The following ANKS1B variants were observed in gnomAD, a reference collection of about 807,000 sequenced individuals.
The protein encoded by ANKS1B is ankyrin repeat and sterile alpha motif domain containing 1B, also known as ankyrin repeat and sterile alpha motif domain-containing protein 1B.
ANKS1B carries 36 observed loss-of-function variants against 148.3 expected under a neutral mutation model. That is an observed-to-expected ratio of 0.24 (90% confidence interval 0.19 to 0.32). The LOEUF (loss-of-function observed/expected upper bound fraction) is 0.32. Among genes scored for constraint, ANKS1B ranks in the 10% least tolerant of loss-of-function variants. The pLI is 1.00. For synonymous variants in ANKS1B, 542 were observed against 560.8 expected, an observed-to-expected ratio of 0.97 and a Z score of 0.47; for missense variants, 1,157 against 1,542.6, an observed-to-expected ratio of 0.75 and a Z score of 4.19.
intron 14 of ANKS1B, among the ~76,000 whole-genome samples, chr12:99,163,445 T>C (rs868208161): frequency 3.5e-4 from 53 of 150,340 alleles, no homozygotes; most frequent in Admixed American, 1.7e-3. Flanking sequence ...CCTGTTTATA[T>C]GTCCTGTGTT....
At chr12:99,026,621 T>A (rs2099948921) in intron 17 of ANKS1B, among the ~76,000 whole-genome samples, 1 of 151,076 alleles carries the variant, frequency 6.6e-6, no homozygotes, top group Non-Finnish European at 1.5e-5. Context: ...CATTAAAAAT[T>A]AAAAAAAAAA....
chr12:99,983,033 G>A (rs1483852527), intron 1 of ANKS1B, among the ~76,000 whole-genome samples: 1 of 152,134 alleles, frequency 6.6e-6, no homozygotes, highest in African/African-American at 2.4e-5. Flanking sequence ...AGGGTAGCAT[G>A]GAACAGTTTT....
At chr12:99,298,797 C>T (rs2081232500) in intron 12 of ANKS1B, among the ~76,000 whole-genome samples, 1 of 152,108 alleles carries the variant, frequency 6.6e-6, no homozygotes, top group African/African-American at 2.4e-5. Flanking sequence ...TATTAAGTTA[C>T]AAAATATTAA....
In ANKS1B at chr12:99,289,428, A is replaced by G. The variant is rs114951180; in HGVS notation, c.1757-42564T>C. 7.5e-3 allele frequency among the ~76,000 whole-genome samples: 1,139 copies of G among 152,214 alleles called. 20 individuals are homozygous for G. Among genetic ancestry groups the G allele is most frequent in the African/African-American group, 0.023 (946 of 41,576 alleles). On this transcript the variant is annotated intron_variant, in intron 12 of 26. Transcript: ENST00000683438. ...ACTATAGAACAAATGGACATCATAG[A>G]TATGTACAAAACATTTCATCCAATG...
At chr12:99,878,279 T>TA (rs2092258777) in intron 1 of ANKS1B, among the ~76,000 whole-genome samples, 1 of 152,178 alleles carries the variant, frequency 6.6e-6, no homozygotes, top group Non-Finnish European at 1.5e-5. Context: ...GATTTCCACT[T>TA]ACATTTTATG....
intron 14 of ANKS1B, among the ~76,000 whole-genome samples, chr12:99,226,505 A>T (rs1419589593): frequency 6.6e-6 from 1 of 152,226 alleles, no homozygotes; most frequent in Admixed American, 6.5e-5. Flanking sequence ...ATCAATGTGT[A>T]TATTGTCTAG....
intron 8 of ANKS1B, among the ~76,000 whole-genome samples, chr12:99,762,614 G>T (rs935683040): frequency 3.3e-5 from 5 of 152,104 alleles, no homozygotes; most frequent in African/African-American, 9.7e-5. Context: ...TCTGGACATA[G>T]GTCTGGGCAA....
chr12:98,853,227 A>G (rs1156396803), intron 17 of ANKS1B, among the ~76,000 whole-genome samples: 1 of 152,222 alleles, frequency 6.6e-6, no homozygotes, highest in Non-Finnish European at 1.5e-5. Context: ...TTTGCCTTCC[A>G]AAGGCAGAGT....
chr12:99,764,685 A>G (rs145392717), intron 8 of ANKS1B, among the ~76,000 whole-genome samples: 1 of 152,272 alleles, frequency 6.6e-6, no homozygotes, highest in African/African-American at 2.4e-5. Flanking sequence ...AGCCTCCCAA[A>G]GTGCTGAGAT....
chr12:99,014,548 A>G (rs1598454859), intron 17 of ANKS1B, among the ~76,000 whole-genome samples: 1 of 152,226 alleles, frequency 6.6e-6, no homozygotes, highest in African/African-American at 2.4e-5. Flanking sequence ...TAAAGAGCTT[A>G]TGCACAGCAA....
intron 10 of ANKS1B, among the ~76,000 whole-genome samples, chr12:99,492,484 C>T (rs895063253): frequency 1.3e-5 from 2 of 152,088 alleles, no homozygotes; most frequent in Non-Finnish European, 2.9e-5. Context: ...CAAAGAAGAG[C>T]TGGTACCATT....
intron 8 of ANKS1B, 140 bp from the exon 9 acceptor site, chr12:99,655,350 C>T: frequency 4.4e-6 from 3 of 675,330 alleles, no homozygotes; most frequent in South Asian, 3.1e-5. Context: ...CATGGCTGTG[C>T]CCTGTGCCTG....
rs574717275 is a variant in ANKS1B at position 99,389,392 on chromosome 12, T to G, written c.1756+10239A>C. Among the ~76,000 whole-genome samples, 3 of 152,350 alleles carry G rather than the reference T, an allele frequency of 2.0e-5. No individual in the cohort carries two copies. The East Asian group carries it at 5.8e-4, about 29-fold the overall frequency. On this transcript the variant is annotated intron_variant, in intron 12 of 26. Coordinates refer to ENST00000683438, the MANE Select transcript of ANKS1B (RefSeq NM_001352186.2). Reference sequence around the variant, plus strand: ...GATCTGAATAGAGAAAAAGGACTTGTAGTTTGAAAACTGTTTTCAACTAGG... The same window carrying G: ...GATCTGAATAGAGAAAAAGGACTTGGAGTTTGAAAACTGTTTTCAACTAGG...
At chr12:99,317,952 T>C (rs958567363) in intron 12 of ANKS1B, among the ~76,000 whole-genome samples, 1 of 152,248 alleles carries the variant, frequency 6.6e-6, no homozygotes, top group South Asian at 2.1e-4. Context: ...GTTCTGTTTA[T>C]ATGACGGATT....
intron 17 of ANKS1B, among the ~76,000 whole-genome samples, chr12:98,937,182 T>C (rs554149654): frequency 5.5e-4 from 84 of 152,368 alleles, no homozygotes; most frequent in Non-Finnish European, 4.1e-4. Flanking sequence ...GGAACACTTA[T>C]AGGTGCTTTA....
chr12:99,411,520 G>A (rs566644329), intron 11 of ANKS1B, among the ~76,000 whole-genome samples: 15 of 152,282 alleles, frequency 9.9e-5, no homozygotes, highest in Non-Finnish European at 1.9e-4. Context: ...ACATATGAGT[G>A]CAGGTGTTTT....
chr12:99,198,729 C>G (rs1287993601), intron 14 of ANKS1B, among the ~76,000 whole-genome samples: 1 of 152,156 alleles, frequency 6.6e-6, no homozygotes, highest in Non-Finnish European at 1.5e-5. Context: ...ATATTATCAC[C>G]TAGAATCTGG....
At chr12:99,964,920 T>C (rs1291641394) in intron 1 of ANKS1B, among the ~76,000 whole-genome samples, 1 of 152,138 alleles carries the variant, frequency 6.6e-6, no homozygotes. Flanking sequence ...ATTGATAGCA[T>C]ATAAGACGAC....
chr12:99,533,137 T>C (rs1242298398), intron 9 of ANKS1B, among the ~76,000 whole-genome samples: 2 of 152,242 alleles, frequency 1.3e-5, no homozygotes, highest in African/African-American at 4.8e-5. Flanking sequence ...ATTTTCACAA[T>C]ATTGATTCTT....
Sources: gnomAD v4.1 joint callset for allele counts (sites outside exome capture counted in the v4.1 genomes callset) on GRCh38, gnomAD v4.1.1 for gene constraint, MANE v1.5 for transcripts, NCBI Gene and HGNC (gene_info 2026-07-23, HGNC 2026-07-21) for gene names.